The following ITGA4 variants were observed in gnomAD, a reference collection of about 807,000 sequenced individuals.
ITGA4 encodes integrin alpha-4.
ITGA4 carries 63 observed loss-of-function variants against 133.6 expected under a neutral mutation model. That is an observed-to-expected ratio of 0.47 (90% CI 0.38 to 0.58). The LOEUF is 0.58. Among genes scored for constraint, ITGA4 ranks in the 20% least tolerant of loss-of-function variants. ITGA4 has a pLI of 0.00. For synonymous variants in ITGA4, 483 were observed against 438.0 expected, an observed-to-expected ratio of 1.10 and a Z score of -1.28; for missense variants, 1,076 against 1,252.7, an observed-to-expected ratio of 0.86 and a Z score of 2.13.
chr2:181,465,675 T>C (rs747042707), intron 2 of ITGA4, among the ~76,000 whole-genome samples: 1 of 152,158 alleles, frequency 6.6e-6, no homozygotes, highest in Non-Finnish European at 1.5e-5. Context: ...GGTTTAAATA[T>C]GCTCTTTTAA....
Position 181,537,094 on chromosome 2 carries a change from GGAATAAACTTTA to G in ITGA4, c.*1568_*1579del. The G allele has an allele frequency of 2.2e-6, 1 of 452,322 alleles. No individual in the cohort carries two copies. Among genetic ancestry groups the G allele is most frequent in the Non-Finnish European group, 4.4e-6 (1 of 226,096 alleles). The allele number at this position is 452,322 out of a possible 1,614,324, so 28.0% of individuals were successfully genotyped here. A position where few individuals can be genotyped will look rare whatever the true frequency, so the allele number is the denominator to read the frequency against. On this transcript the variant is annotated 3_prime_UTR_variant, in exon 28 of 28. Coordinates refer to ENST00000397033, the MANE Select transcript of ITGA4 (RefSeq NM_000885.6). ...CCTGAACCCAGAGTGTGTATACACA[GGAATAAACTTTA>G]TGACATTTATGTATTTTTAAAAAAC...
At chr2:181,491,957 C>T (rs1331860386) in intron 10 of ITGA4, among the ~76,000 whole-genome samples, 3 of 152,168 alleles carry the variant, frequency 2.0e-5, no homozygotes, top group Non-Finnish European at 4.4e-5. Context: ...CTGTCTATGA[C>T]CTATGGATAC....
In ITGA4 at chr2:181,526,680, C is replaced by T. The variant is rs571220574; in HGVS notation, c.2340-617C>T. On this transcript the variant is annotated intron_variant, in intron 21 of 27. Transcript: ENST00000397033. ...AAAACTAAGAAGTTATCCCACATTA[C>T]ATTTGCCAAATTTACATGAATCACT... Among the ~76,000 whole-genome samples the T allele has an allele frequency of 2.0e-5, 3 of 152,082 alleles. No individual in the cohort carries two copies. In the South Asian group the frequency reaches 6.2e-4, roughly 32 times the overall value.
chr2:181,477,779 CAGT>C (rs148635042), intron 4 of ITGA4, among the ~76,000 whole-genome samples: 6 of 152,180 alleles, frequency 3.9e-5, no homozygotes, highest in South Asian at 2.1e-4. Context: ...TTATAGAAAA[CAGT>C]AGAGAAGTTA....
At chr2:181,531,109 C>T (rs1229253211) in intron 24 of ITGA4, among the ~76,000 whole-genome samples, 1 of 145,628 alleles carries the variant, frequency 6.9e-6, no homozygotes, top group Non-Finnish European at 1.5e-5. Flanking sequence ...AGCAAGACTC[C>T]ATCTCAAAAA....
chr2:181,502,220 A>G (rs960235055), intron 15 of ITGA4, among the ~76,000 whole-genome samples: 3 of 152,096 alleles, frequency 2.0e-5, no homozygotes, highest in African/African-American at 7.2e-5. Context: ...ACAGCATTTC[A>G]GACATTAGTG....
In ITGA4 at chr2:181,523,418, G is replaced by A; in HGVS notation, c.2074-19G>A. ...TATTTCCTTCCTGTCCAAAACAGTT[G>A]TTTCATTTTTCCCATTAGGAAGAGA... On this transcript the variant is annotated intron_variant, in intron 18 of 27. Transcript: ENST00000397033. This position sits in a 1 kb window ranked among gnomAD's most constrained non-coding sequence, Gnocchi z 4.2. 1 of 1,485,458 alleles carries A rather than the reference G, an allele frequency of 6.7e-7. No individual in the cohort carries two copies. The highest frequency in any genetic ancestry group is 1.1e-5 in the South Asian group (1 of 88,296). The allele number at this position is 1,485,458 out of a possible 1,614,324, so 92.0% of individuals were successfully genotyped here. A position where few individuals can be genotyped will look rare whatever the true frequency, so the allele number is the denominator to read the frequency against.
chr2:181,512,733 C>T (rs771399350), intron 17 of ITGA4, among the ~76,000 whole-genome samples: 10 of 151,960 alleles, frequency 6.6e-5, no homozygotes, highest in Middle Eastern at 3.4e-3. Context: ...TAAAATGTGA[C>T]GGGTGGTGAA....
chr2:181,488,615 G>C (rs1406549974), intron 10 of ITGA4, among the ~76,000 whole-genome samples: 2 of 151,696 alleles, frequency 1.3e-5, no homozygotes, highest in East Asian at 3.9e-4. Flanking sequence ...CCAGAGTGCA[G>C]TGGCATGATC....
At chr2:181,477,191 C>G (rs1456319430) in intron 4 of ITGA4, among the ~76,000 whole-genome samples, 1 of 152,008 alleles carries the variant, frequency 6.6e-6, no homozygotes. Context: ...GAACGCTTAT[C>G]TTAGCAAATA....
At chr2:181,499,242 G>A (rs1381774116) in intron 15 of ITGA4, among the ~76,000 whole-genome samples, 1 of 152,198 alleles carries the variant, frequency 6.6e-6, no homozygotes, top group Non-Finnish European at 1.5e-5. Context: ...TGCCAGCTTT[G>A]CCAGTGATGT....
intron 17 of ITGA4, among the ~76,000 whole-genome samples, chr2:181,515,778 C>T (rs888390213): frequency 6.6e-6 from 1 of 152,058 alleles, no homozygotes; most frequent in Non-Finnish European, 1.5e-5. Flanking sequence ...ATATGTCTCT[C>T]CCACAGAGGT....
At chr2:181,529,505 C>A in intron 22 of ITGA4, 36 bp from the exon 23 acceptor site, 2 of 1,021,010 alleles carry the variant, frequency 2.0e-6, no homozygotes, top group Admixed American at 1.8e-5. Context: ...TTATAGAAAA[C>A]ATTTAATTTG....
At chr2:181,474,323 A>C (rs910799860) in intron 2 of ITGA4, among the ~76,000 whole-genome samples, 2 of 152,164 alleles carry the variant, frequency 1.3e-5, no homozygotes, top group African/African-American at 4.8e-5. Flanking sequence ...TATCTATTGA[A>C]GTTTTTTGTT....
At chr2:181,534,686 G>T in intron 26 of ITGA4, 130 bp from the exon 27 acceptor site, 4 of 758,892 alleles carry the variant, frequency 5.3e-6, no homozygotes, top group South Asian at 3.5e-5. Flanking sequence ...ATTAGAACCA[G>T]CAAGAAAATG....
At chr2:181,506,253 G>A (rs543428729) in intron 15 of ITGA4, among the ~76,000 whole-genome samples, 2 of 152,116 alleles carry the variant, frequency 1.3e-5, no homozygotes, top group Non-Finnish European at 2.9e-5. Context: ...CCTATTCTAG[G>A]AAACTGAAAT....
Position 181,535,531 on chromosome 2 carries a change from C to G in ITGA4, c.*4C>G. The G allele has an allele frequency of 6.3e-7, 1 of 1,596,764 alleles. No homozygotes were observed. The highest frequency in any genetic ancestry group is 2.2e-5 in the East Asian group (1 of 44,534). ...CAGTAAAAGCAATGATGATTAAGGACTTCTTTCAAATTGAGAGAATGGAAA... is the reference window on the plus strand; with the variant it reads ...CAGTAAAAGCAATGATGATTAAGGAGTTCTTTCAAATTGAGAGAATGGAAA... On this transcript the variant is annotated 3_prime_UTR_variant, in exon 28 of 28. Coordinates refer to ENST00000397033, the MANE Select transcript of ITGA4 (RefSeq NM_000885.6).
chr2:181,466,090 C>T (rs539924960), intron 2 of ITGA4, among the ~76,000 whole-genome samples: 3 of 152,020 alleles, frequency 2.0e-5, no homozygotes, highest in African/African-American at 7.3e-5. Flanking sequence ...AAAAGACTTG[C>T]GTACGTTTTC....
chr2:181,487,220 C>G (rs1284247930), intron 10 of ITGA4, among the ~76,000 whole-genome samples: 4 of 152,118 alleles, frequency 2.6e-5, no homozygotes. Context: ...CCATCACTAG[C>G]TTCCCCCTAC....
Sources: gnomAD v4.1 joint callset for allele counts (sites outside exome capture counted in the v4.1 genomes callset) on GRCh38, gnomAD v4.1.1 for gene constraint, Gnocchi (gnomAD v3.1) non-coding constraint, MANE v1.5 for transcripts, NCBI Gene and HGNC (gene_info 2026-07-23, HGNC 2026-07-21) for gene names.